Variants in TPRG1 observed in about 807,000 individuals in gnomAD.
TPRG1 encodes the protein tumor protein p63-regulated gene 1 protein.
A neutral mutation model predicts 29.3 loss-of-function variants in TPRG1; 29 were observed. The observed-to-expected ratio is 0.99, with a 90% confidence interval of 0.74 to 1.35. TPRG1 has a LOEUF of 1.35. Among genes scored for constraint, TPRG1 ranks in the 40% most tolerant of loss-of-function variants. The pLI is 0.00. For missense variants in TPRG1, 327 were observed against 335.0 expected (o/e 0.98, Z 0.19); for synonymous variants, 130 against 116.8 (o/e 1.11, Z -0.73).
intron 4 of TPRG1, among the ~76,000 whole-genome samples, chr3:189,306,200 T>C (rs1328463662): frequency 3.3e-5 from 5 of 152,222 alleles, no homozygotes; most frequent in Admixed American, 2.6e-4. Context: ...TGGAATGTTT[T>C]AGAGGATCAG....
At chr3:189,115,138 A>G (rs1432579898) in intron 1 of TPRG1, among the ~76,000 whole-genome samples, 1 of 152,220 alleles carries the variant, frequency 6.6e-6, no homozygotes, top group Non-Finnish European at 1.5e-5. Flanking sequence ...TATGTGTTCA[A>G]TTCAGGGGGT....
chr3:189,304,252 G>A (rs1040793919), intron 4 of TPRG1, among the ~76,000 whole-genome samples: 16 of 151,920 alleles, frequency 1.1e-4, no homozygotes, highest in Non-Finnish European at 2.1e-4. Context: ...ATGGATCCCC[G>A]GAGCCCGGAG....
At chr3:189,299,336 G>T (rs1720466012) in intron 4 of TPRG1, among the ~76,000 whole-genome samples, 1 of 152,062 alleles carries the variant, frequency 6.6e-6, no homozygotes, top group Non-Finnish European at 1.5e-5. Context: ...CTTCAATATA[G>T]ATGTGACATG....
intron 1 of TPRG1, among the ~76,000 whole-genome samples, chr3:189,120,820 G>A (rs934682308): frequency 6.6e-6 from 1 of 152,208 alleles, no homozygotes; most frequent in African/African-American, 2.4e-5. Flanking sequence ...AAATTTTGGT[G>A]TGTGTTTTGA....
intron 4 of TPRG1, among the ~76,000 whole-genome samples, chr3:189,057,018 A>G (rs1715744615): frequency 6.6e-6 from 1 of 152,206 alleles, no homozygotes; most frequent in South Asian, 2.1e-4. Flanking sequence ...GTAAAAATTA[A>G]TCACTCTTGC....
rs550054309 is a variant in TPRG1 at position 189,324,998 on chromosome 3, G to A, written c.*4178G>A. Reference sequence around the variant, plus strand: ...ACCTTTGGTCTGCACCTCCCACAACGTGCTCCGAAAGCAGTTAGGGGACTA... The same window carrying A: ...ACCTTTGGTCTGCACCTCCCACAACATGCTCCGAAAGCAGTTAGGGGACTA... On this transcript the variant is annotated 3_prime_UTR_variant, in exon 6 of 6. Transcript: ENST00000345063. 4.6e-5 allele frequency: 7 copies of A among 152,164 alleles called. No homozygotes were observed. The highest frequency in any genetic ancestry group is 3.9e-4 in the East Asian group (2 of 5,168). 9.4% of individuals were successfully genotyped at this position (152,164 alleles called of 1,614,324 possible). A position where few individuals can be genotyped will look rare whatever the true frequency, so the allele number is the denominator to read the frequency against.
intron 4 of TPRG1, among the ~76,000 whole-genome samples, chr3:189,244,314 C>G (rs1741061628): frequency 6.6e-6 from 1 of 151,842 alleles, no homozygotes; most frequent in African/African-American, 2.4e-5. Context: ...CCTGTAATCC[C>G]AGGCTGAGAC....
intron 4 of TPRG1, among the ~76,000 whole-genome samples, chr3:189,280,040 T>C (rs1237966043): frequency 6.6e-6 from 1 of 152,168 alleles, no homozygotes; most frequent in Non-Finnish European, 1.5e-5. Context: ...TATGGTTGGA[T>C]AGAATTCCTG....
intron 4 of TPRG1, among the ~76,000 whole-genome samples, chr3:189,091,857 T>C (rs1718358821): frequency 6.6e-6 from 1 of 152,198 alleles, no homozygotes; most frequent in Non-Finnish European, 1.5e-5. Context: ...TTCCCACATT[T>C]TTTTTCAGAT....
intron 4 of TPRG1, among the ~76,000 whole-genome samples, chr3:189,026,980 T>C (rs889273307): frequency 1.3e-5 from 2 of 152,222 alleles, no homozygotes; most frequent in African/African-American, 4.8e-5. Context: ...TCTTTATTTT[T>C]CTGAGCTTTT....
chr3:189,030,487 A>G (rs1238977792), intron 4 of TPRG1, among the ~76,000 whole-genome samples: 1 of 152,162 alleles, frequency 6.6e-6, no homozygotes, highest in African/African-American at 2.4e-5. Flanking sequence ...TTCACTTTCC[A>G]ATTCCTCCAA....
intron 4 of TPRG1, among the ~76,000 whole-genome samples, chr3:189,305,164 T>G (rs947838900): frequency 2.6e-5 from 4 of 152,164 alleles, no homozygotes; most frequent in Admixed American, 2.0e-4. Context: ...AGAGACTCTT[T>G]GGAGGCCAGG....
At chr3:189,100,930 A>G (rs911101703) in intron 1 of TPRG1, among the ~76,000 whole-genome samples, 7 of 152,196 alleles carry the variant, frequency 4.6e-5, no homozygotes, top group Middle Eastern at 3.2e-3. Context: ...TTCACAACAT[A>G]CTATTTGGAA....
chr3:189,291,117 G>T (rs1052711658), intron 4 of TPRG1, among the ~76,000 whole-genome samples: 1 of 152,012 alleles, frequency 6.6e-6, no homozygotes, highest in Non-Finnish European at 1.5e-5. Flanking sequence ...TAGCCAGGAT[G>T]GTCTCGATCT....
chr3:189,176,831 T>A (rs1301688034), intron 1 of TPRG1, among the ~76,000 whole-genome samples: 1 of 152,176 alleles, frequency 6.6e-6, no homozygotes, highest in Non-Finnish European at 1.5e-5. Flanking sequence ...AGAAGTTAGA[T>A]GATTGTGGAG....
chr3:189,002,352 A>G (rs77274797), intron 2 of TPRG1, among the ~76,000 whole-genome samples: 5,848 of 151,814 alleles, frequency 0.039, 369 homozygotes, highest in African/African-American at 0.13. Flanking sequence ...TGATATATCT[A>G]TAAATTTCAC....
chr3:189,207,236 A>C, intron 1 of TPRG1, 140 bp from the exon 2 acceptor site: 2 of 1,422,330 alleles, frequency 1.4e-6, no homozygotes, highest in Non-Finnish European at 1.9e-6. Context: ...TGTATCCACC[A>C]ATGCCTCTGT....
At chr3:189,128,275 T>G (rs994795704) in intron 2 of TPRG1, among the ~76,000 whole-genome samples, 1 of 152,236 alleles carries the variant, frequency 6.6e-6, no homozygotes, top group Admixed American at 6.5e-5. Context: ...CATGGAATCA[T>G]TGTACCAGAG....
At chr3:189,159,555 C>A (rs775688871) in intron 5 of TPRG1, among the ~76,000 whole-genome samples, 1 of 152,132 alleles carries the variant, frequency 6.6e-6, no homozygotes, top group Non-Finnish European at 1.5e-5. Context: ...GAGTACAGCA[C>A]TATCTAACGC....
Sources: allele counts gnomAD v4.1 joint callset (sites outside exome capture counted in the v4.1 genomes callset), GRCh38; gene constraint gnomAD v4.1.1; transcripts MANE v1.5; gene names NCBI Gene and HGNC (gene_info 2026-07-23, HGNC 2026-07-21).